BRPF3: variants seen among roughly 807,000 people sequenced by gnomAD.
BRPF3 encodes bromodomain and PHD finger containing 3.
Under a neutral mutation model 102.0 loss-of-function variants are expected in BRPF3, and 18 were observed. The observed-to-expected ratio is 0.18, with a 90% confidence interval of 0.12 to 0.26. BRPF3 has a LOEUF of 0.26. Among genes scored for constraint, BRPF3 ranks in the 10% least tolerant of loss-of-function variants. The pLI, the probability that BRPF3 is intolerant of heterozygous loss-of-function variation, is 1.00. For missense variants in BRPF3, 1,147 were observed against 1,567.8 expected (o/e 0.73, Z 4.53); for synonymous variants, 570 against 614.2 (o/e 0.93, Z 1.06).
intron 11 of BRPF3, 92 bp downstream of exon 11, chr6:36,225,456 T>A: frequency 8.6e-7 from 1 of 1,163,836 alleles, no homozygotes; most frequent in Non-Finnish European, 1.2e-6. Flanking sequence ...GTGGTGGGAG[T>A]CAGAGTGTCT....
intron 2 of BRPF3, among the ~76,000 whole-genome samples, chr6:36,203,328 A>G (rs1767785400): frequency 6.6e-6 from 1 of 152,232 alleles, no homozygotes; most frequent in Non-Finnish European, 1.5e-5. Context: ...TAAATGAGAT[A>G]ATATAAGTAA....
chr6:36,215,496 C>T (rs1325513935), intron 8 of BRPF3, among the ~76,000 whole-genome samples: 1 of 152,192 alleles, frequency 6.6e-6, no homozygotes, highest in Non-Finnish European at 1.5e-5. Flanking sequence ...AATTCCAGCT[C>T]TGGAAGGTTC....
chr6:36,221,433 C>T (rs1343781398), intron 9 of BRPF3, among the ~76,000 whole-genome samples: 3 of 151,848 alleles, frequency 2.0e-5, no homozygotes, highest in Admixed American at 6.6e-5. Flanking sequence ...AGTACAGACA[C>T]GTGCCACCAC....
At chr6:36,214,702 G>A (rs1246944172) in intron 8 of BRPF3, among the ~76,000 whole-genome samples, 1 of 152,172 alleles carries the variant, frequency 6.6e-6, no homozygotes, top group East Asian at 1.9e-4. Flanking sequence ...GTTAGGCACT[G>A]TTCTAGGCAT....
At chr6:36,214,481 G>GATT (rs1768257195) in intron 8 of BRPF3, 95 bp downstream of exon 8, 13 of 1,394,996 alleles carry the variant, frequency 9.3e-6, no homozygotes, top group Non-Finnish European at 1.1e-5. Context: ...TCTCTCTAAT[G>GATT]GCACCATTGG....
chr6:36,198,499 C>T (rs1043068839), intron 1 of BRPF3, among the ~76,000 whole-genome samples: 4 of 152,186 alleles, frequency 2.6e-5, no homozygotes, highest in Non-Finnish European at 5.9e-5. Context: ...GACCTGGGTT[C>T]AAATTGTAGC....
chr6:36,229,456 C>T (rs74541384), intron 12 of BRPF3, among the ~76,000 whole-genome samples: 25 of 152,334 alleles, frequency 1.6e-4, no homozygotes, highest in African/African-American at 5.5e-4. Context: ...TATTCAATGC[C>T]ACTGCCCTGA....
intron 11 of BRPF3, among the ~76,000 whole-genome samples, chr6:36,228,491 C>G (rs991053160): frequency 6.6e-5 from 10 of 152,232 alleles, no homozygotes; most frequent in African/African-American, 2.4e-4. Flanking sequence ...TGAGCCTCCT[C>G]TCTGATCTTA....
At chr6:36,213,666 G>A (rs971338607) in intron 7 of BRPF3, among the ~76,000 whole-genome samples, 6 of 150,752 alleles carry the variant, frequency 4.0e-5, no homozygotes, top group African/African-American at 1.5e-4. Context: ...TCAGACCACT[G>A]CACTCCAGCC....
chr6:36,210,593 A>AGT lies in BRPF3; in HGVS notation c.2179+67_2179+68dup, dbSNP rs1768069853. ...GGAGGCACAGGAACAGAGTCTACAG[A>AGT]GTGAGGGATCAGGGTGGTCCTTGGG... On this transcript the variant is annotated intron_variant, in intron 6 of 12. Coordinates refer to ENST00000357641, the MANE Select transcript of BRPF3 (RefSeq NM_015695.3). This position sits in a 1 kb window ranked among gnomAD's most constrained non-coding sequence, Gnocchi z 4.7. 2 of 1,476,140 alleles carry AGT rather than the reference A, an allele frequency of 1.4e-6. No homozygotes were observed. Among genetic ancestry groups the AGT allele is most frequent in the African/African-American group, 2.8e-5 (2 of 71,256 alleles). 91.4% of individuals were successfully genotyped at this position (1,476,140 alleles called of 1,614,324 possible).
chr6:36,219,249 C>A (rs949183297), intron 9 of BRPF3, among the ~76,000 whole-genome samples: 7 of 152,106 alleles, frequency 4.6e-5, no homozygotes, highest in Admixed American at 6.5e-5. Context: ...CTCTGAGATT[C>A]CCCTACCCCC....
intron 8 of BRPF3, among the ~76,000 whole-genome samples, chr6:36,215,262 C>G (rs1423027020): frequency 6.6e-6 from 1 of 152,082 alleles, no homozygotes; most frequent in Non-Finnish European, 1.5e-5. Context: ...ACTACAGGTG[C>G]CCACCACCAC....
At position 36,230,909 on chromosome 6, in the gene BRPF3, T is replaced by C. The variant is rs2127299664; in HGVS notation, c.*300T>C. 2.8e-6 allele frequency: 1 copy of C among 355,462 alleles called. No homozygotes were observed. Among genetic ancestry groups the C allele is most frequent in the East Asian group, 5.6e-5 (1 of 17,954 alleles). The allele number at this position is 355,462 out of a possible 1,614,324, so 22.0% of individuals were successfully genotyped here. On this transcript the variant is annotated 3_prime_UTR_variant, in exon 13 of 13. Coordinates refer to ENST00000357641, the MANE Select transcript of BRPF3 (RefSeq NM_015695.3). This position sits in a 1 kb window ranked among gnomAD's most constrained non-coding sequence, Gnocchi z 5.4. ...GGCCCAGCTTAGGAGATTGCCCAGA[T>C]GGCAAGAGGTCCTGGGCTCCTTCTT...
intron 8 of BRPF3, among the ~76,000 whole-genome samples, chr6:36,214,968 A>G (rs1171468834): frequency 6.6e-6 from 1 of 152,088 alleles, no homozygotes; most frequent in Non-Finnish European, 1.5e-5. Flanking sequence ...GATAGACTAG[A>G]AAGTACATAG....
chr6:36,221,093 T>G (rs1271951189), intron 9 of BRPF3, among the ~76,000 whole-genome samples: 1 of 152,216 alleles, frequency 6.6e-6, no homozygotes, highest in Non-Finnish European at 1.5e-5. Flanking sequence ...ATATCATTTT[T>G]GCCCAGAAGC....
At chr6:36,221,531 C>T (rs975514919) in intron 9 of BRPF3, among the ~76,000 whole-genome samples, 3 of 152,086 alleles carry the variant, frequency 2.0e-5, no homozygotes, top group Non-Finnish European at 2.9e-5. Context: ...GTGATCTGCC[C>T]AGCTCAGCCT....
At chr6:36,211,900 A>G (rs992002847) in intron 7 of BRPF3, among the ~76,000 whole-genome samples, 4 of 152,142 alleles carry the variant, frequency 2.6e-5, no homozygotes, top group Non-Finnish European at 5.9e-5. Context: ...GTATGTCAGT[A>G]TTTTGCACCT....
chr6:36,213,501 C>A (rs1768205819), intron 7 of BRPF3, among the ~76,000 whole-genome samples: 1 of 152,066 alleles, frequency 6.6e-6, no homozygotes, highest in Non-Finnish European at 1.5e-5. Context: ...TGAGACCAGC[C>A]TGGGCAACAC....
Position 36,200,656 on chromosome 6 carries a change from T to G in BRPF3, c.334T>G (p.Phe112Val). The stretch of plus-strand genomic sequence containing the variant: ...CTCCAAGCATGCATCTGGTACTTCC[T>G]TCCACCTCCCACAGCCCAGCTTCCG... Reference protein sequence around the residue: ...SCSKHASGTSFHLPQPSFRMV... With the variant: ...SCSKHASGTSVHLPQPSFRMV... The change falls in exon 2 of 13, where the codon TTC becomes GTC. Residue 112 changes from phenylalanine to valine, a missense_variant. Coordinates refer to ENST00000357641, the MANE Select transcript of BRPF3 (RefSeq NM_015695.3). This position sits in a 1 kb window ranked among gnomAD's most constrained non-coding sequence, Gnocchi z 5.3. 1 of 1,614,178 alleles carries G rather than the reference T, an allele frequency of 6.2e-7. No homozygotes were observed. The highest frequency in any genetic ancestry group is 8.5e-7 in the Non-Finnish European group (1 of 1,180,018).
Sources: allele counts gnomAD v4.1 joint callset (sites outside exome capture counted in the v4.1 genomes callset), GRCh38; gene constraint gnomAD v4.1.1; non-coding constraint Gnocchi (gnomAD v3.1); transcripts MANE v1.5; gene names NCBI Gene and HGNC (gene_info 2026-07-23, HGNC 2026-07-21).